EDIL3: variants seen among roughly 807,000 people sequenced by gnomAD.
The protein encoded by EDIL3 is EGF like and discoidin domains 3, also known as EGF-like repeat and discoidin I-like domain-containing protein 3.
In EDIL3, 37 loss-of-function variants were observed where a neutral mutation model predicts 67.4. The observed-to-expected ratio is 0.55, with a 90% CI of 0.42 to 0.72. The LOEUF (loss-of-function observed/expected upper bound fraction) is 0.72. Ranked by LOEUF, EDIL3 falls within the 30% of genes least tolerant of loss-of-function variation. EDIL3 has a pLI of 0.00. For synonymous variants in EDIL3, 195 were observed against 196.3 expected, an observed-to-expected ratio of 0.99 and a Z score of 0.05; for missense variants, 527 against 586.3, an observed-to-expected ratio of 0.90 and a Z score of 1.04.
At chr5:84,060,526 T>C (rs1455734286) in intron 8 of EDIL3, 42 bp from the exon 9 acceptor site, 1 of 1,606,118 alleles carries the variant, frequency 6.2e-7, no homozygotes, top group Admixed American at 1.7e-5. Flanking sequence ...AAATAATTGA[T>C]CACCTGGAAC....
chr5:83,979,060 A>G (rs1351080947), intron 9 of EDIL3, among the ~76,000 whole-genome samples: 1 of 152,154 alleles, frequency 6.6e-6, no homozygotes, highest in Non-Finnish European at 1.5e-5. Context: ...GAACTATGAT[A>G]AATTGTTACA....
At chr5:84,021,515 G>T (rs1745713315) in intron 9 of EDIL3, among the ~76,000 whole-genome samples, 1 of 151,848 alleles carries the variant, frequency 6.6e-6, no homozygotes, top group South Asian at 2.1e-4. Flanking sequence ...AGTTTCCAAA[G>T]TTCCTCTTGG....
At chr5:84,377,436 C>T (rs1747991575) in intron 1 of EDIL3, among the ~76,000 whole-genome samples, 1 of 152,002 alleles carries the variant, frequency 6.6e-6, no homozygotes, top group South Asian at 2.1e-4. Flanking sequence ...AAAATATTCT[C>T]CAATGTTTCC....
At chr5:84,133,559 C>A (rs927136613) in intron 5 of EDIL3, among the ~76,000 whole-genome samples, 3 of 151,524 alleles carry the variant, frequency 2.0e-5, no homozygotes, top group Non-Finnish European at 4.4e-5. Context: ...TCACTTGAAC[C>A]CAGGAGGCAG....
intron 4 of EDIL3, among the ~76,000 whole-genome samples, chr5:84,156,435 C>T (rs141742635): frequency 7.9e-5 from 12 of 152,262 alleles, no homozygotes; most frequent in African/African-American, 2.6e-4. Flanking sequence ...ACACAATTCC[C>T]TCCTGTATGC....
intron 9 of EDIL3, among the ~76,000 whole-genome samples, chr5:84,042,877 T>C (rs1746157977): frequency 6.6e-6 from 1 of 152,222 alleles, no homozygotes; most frequent in African/African-American, 2.4e-5. Flanking sequence ...GTGAATATCC[T>C]AATATGTATT....
chr5:84,368,415 A>T (rs965686051), intron 1 of EDIL3, among the ~76,000 whole-genome samples: 1 of 152,190 alleles, frequency 6.6e-6, no homozygotes, highest in Non-Finnish European at 1.5e-5. Context: ...TGCTGGTAGA[A>T]CTGAATATCC....
At position 84,384,529 on chromosome 5, in the gene EDIL3, G is replaced by A. The variant is rs1195900174; in HGVS notation, c.-155C>T. The A allele has an allele frequency of 2.6e-5, 18 of 686,686 alleles. No individual in the cohort carries two copies. The highest frequency in any genetic ancestry group is 5.0e-4 in the Middle Eastern group (2 of 3,996). The allele number at this position is 686,686 out of a possible 1,614,324, so 42.5% of individuals were successfully genotyped here. A position where few individuals can be genotyped will look rare whatever the true frequency, so the allele number is the denominator to read the frequency against. ...TCAGCGCTTTGTTAAACAAATTCTT[G>A]GAGAGGGCGAGAGTGGTGACTAAAG... is the stretch of plus-strand genomic sequence containing the variant. On this transcript the variant is annotated 5_prime_UTR_variant, in exon 1 of 11. Transcript: ENST00000296591.
intron 2 of EDIL3, among the ~76,000 whole-genome samples, chr5:84,250,897 T>C (rs917739661): frequency 6.6e-6 from 1 of 152,196 alleles, no homozygotes; most frequent in African/African-American, 2.4e-5. Flanking sequence ...GACACATCTC[T>C]ATCTTTGTGG....
intron 10 of EDIL3, among the ~76,000 whole-genome samples, chr5:83,952,304 C>T (rs1304835580): frequency 1.3e-5 from 2 of 151,768 alleles, no homozygotes; most frequent in East Asian, 1.9e-4. Flanking sequence ...CCATATTTAA[C>T]TTCTTTTATG....
At chr5:83,976,946 A>G (rs1744886692) in intron 9 of EDIL3, among the ~76,000 whole-genome samples, 2 of 151,794 alleles carry the variant, frequency 1.3e-5, no homozygotes, top group South Asian at 4.1e-4. Flanking sequence ...CTGCACCATA[A>G]CATTCCATAT....
intron 9 of EDIL3, among the ~76,000 whole-genome samples, chr5:84,054,609 A>T (rs1468859864): frequency 3.3e-5 from 5 of 152,128 alleles, no homozygotes; most frequent in Admixed American, 3.3e-4. Flanking sequence ...ACTTCAGCAA[A>T]GTCTCAGGAT....
chr5:84,166,866 GGCCCCAGACTGGAA>G (rs1414226264), intron 4 of EDIL3, among the ~76,000 whole-genome samples: 1 of 152,110 alleles, frequency 6.6e-6, no homozygotes, highest in Non-Finnish European at 1.5e-5. Context: ...ACAATGCAAA[GGCCCCAGACTGGAA>G]GCTGGACTGA....
intron 6 of EDIL3, among the ~76,000 whole-genome samples, chr5:84,104,628 T>G (rs976240315): frequency 6.6e-6 from 1 of 152,000 alleles, no homozygotes; most frequent in African/African-American, 2.4e-5. Flanking sequence ...CAAAAGCAAA[T>G]TATCATCATC....
intron 5 of EDIL3, among the ~76,000 whole-genome samples, chr5:84,128,310 G>A (rs1002320140): frequency 2.6e-5 from 4 of 152,046 alleles, no homozygotes; most frequent in African/African-American, 9.7e-5. Flanking sequence ...TTCTGAGAAA[G>A]GCGTTTGTCT....
At chr5:84,141,492 T>C (rs1010418952) in intron 4 of EDIL3, among the ~76,000 whole-genome samples, 14 of 147,122 alleles carry the variant, frequency 9.5e-5, no homozygotes, top group Admixed American at 6.9e-5. Flanking sequence ...TTCATAATTA[T>C]ATATATTATA....
At chr5:84,082,898 T>C (rs1200167830) in intron 6 of EDIL3, among the ~76,000 whole-genome samples, 2 of 152,066 alleles carry the variant, frequency 1.3e-5, no homozygotes, top group Non-Finnish European at 2.9e-5. Flanking sequence ...ATATTAGGAG[T>C]AAGTTTTTAA....
chr5:84,131,888 C>A (rs558736630), intron 5 of EDIL3, among the ~76,000 whole-genome samples: 1 of 151,948 alleles, frequency 6.6e-6, no homozygotes, highest in Non-Finnish European at 1.5e-5. Flanking sequence ...TTTCAGTGAA[C>A]AAGTATGTAC....
chr5:84,094,750 CACTT>C (rs1000724383), intron 6 of EDIL3, among the ~76,000 whole-genome samples: 1 of 152,152 alleles, frequency 6.6e-6, no homozygotes, highest in Non-Finnish European at 1.5e-5. Flanking sequence ...AATTTATGCT[CACTT>C]AATTCCCTTT....
Sources: allele counts gnomAD v4.1 joint callset (sites outside exome capture counted in the v4.1 genomes callset), GRCh38; gene constraint gnomAD v4.1.1; transcripts MANE v1.5; gene names NCBI Gene and HGNC (gene_info 2026-07-23, HGNC 2026-07-21).